CCDC152: variants seen among roughly 807,000 people sequenced by gnomAD.
The protein encoded by CCDC152 is coiled-coil domain-containing protein 152.
In CCDC152, 37 loss-of-function variants were observed where a neutral mutation model predicts 38.1. The observed-to-expected ratio is 0.97, with a 90% confidence interval of 0.75 to 1.28. The LOEUF is 1.28. Among genes scored for constraint, CCDC152 ranks in the 50% most tolerant of loss-of-function variants. The pLI is 0.00. For synonymous variants in CCDC152, 83 were observed against 87.1 expected (o/e 0.95, Z 0.26); for missense variants, 259 against 292.1 (o/e 0.89, Z 0.83).
intron 6 of CCDC152, among the ~76,000 whole-genome samples, chr5:42,795,991 C>CA (rs1183853066): frequency 6.8e-6 from 1 of 147,934 alleles, no homozygotes; most frequent in East Asian, 2.0e-4. Context: ...ATCGCAAGGA[C>CA]AAAAAACCAA....
chr5:42,772,203 A>G (rs746460202), intron 4 of CCDC152, among the ~76,000 whole-genome samples: 11 of 152,208 alleles, frequency 7.2e-5, no homozygotes, highest in Non-Finnish European at 1.3e-4. Flanking sequence ...TACAGAAAAA[A>G]CATTTGACAA....
In CCDC152 at chr5:42,790,214, T is replaced by TAAA. The variant is rs538507054; in HGVS notation, c.431-6614_431-6612dup. ...GGCCAGGCACGGTGGCTCACACCTG[T>TAAA]AAATCCCAGCACTTTGGGAGGCCAA... On this transcript the variant is annotated intron_variant, in intron 6 of 8. Transcript: ENST00000361970. Among the ~76,000 whole-genome samples, 25 of 152,256 alleles carry TAAA rather than the reference T, an allele frequency of 1.6e-4. No individual in the cohort carries two copies. The South Asian group carries it at 5.2e-3, about 32-fold the overall frequency.
In CCDC152 at chr5:42,801,613, A is replaced by C. The variant is rs1760204708; in HGVS notation, c.*1832A>C. 4.5e-6 allele frequency: 2 copies of C among 439,922 alleles called. No homozygotes were observed. The highest frequency in any genetic ancestry group is 7.9e-6 in the Non-Finnish European group (2 of 252,732). The allele number at this position is 439,922 out of a possible 1,614,324, so 27.3% of individuals were successfully genotyped here. A position where few individuals can be genotyped will look rare whatever the true frequency, so the allele number is the denominator to read the frequency against. On this transcript the variant is annotated 3_prime_UTR_variant, in exon 9 of 9. Coordinates refer to ENST00000361970, the MANE Select transcript of CCDC152 (RefSeq NM_001134848.2). ...TTGCAGGAAAGTCAAAGTAATATCA[A>C]ATCCTAAATTCAGTTGATCTGGGCC... is the stretch of plus-strand genomic sequence containing the variant.
At chr5:42,759,269 G>A in intron 2 of CCDC152, 61 bp downstream of exon 2, 2 of 980,504 alleles carry the variant, frequency 2.0e-6, no homozygotes, top group East Asian at 2.8e-5. Context: ...TTTTGCCAAG[G>A]GAAGAAGTTG....
chr5:42,772,919 A>AT lies in CCDC152; in HGVS notation c.262+3256dup, dbSNP rs537526344. Reference sequence around the variant, plus strand: ...AGGAAACGGTTTTTCTTTTTCAGACATTCACCCTTCATTCACTTAACCATA... The same window carrying AT: ...AGGAAACGGTTTTTCTTTTTCAGACATTTCACCCTTCATTCACTTAACCATA... On this transcript the variant is annotated intron_variant, in intron 4 of 8. Transcript: ENST00000361970. 7.9e-5 allele frequency among the ~76,000 whole-genome samples: 12 copies of AT among 152,264 alleles called. No individual in the cohort carries two copies. In the South Asian group the frequency reaches 1.9e-3, roughly 24 times the overall value.
At chr5:42,766,873 A>G (rs1423014122) in intron 3 of CCDC152, among the ~76,000 whole-genome samples, 2 of 152,184 alleles carry the variant, frequency 1.3e-5, no homozygotes, top group Admixed American at 6.5e-5. Context: ...ACAGTCAATA[A>G]TAACTTAATT....
chr5:42,794,408 G>A (rs891309370), intron 6 of CCDC152, among the ~76,000 whole-genome samples: 2 of 152,194 alleles, frequency 1.3e-5, no homozygotes, highest in African/African-American at 2.4e-5. Flanking sequence ...AATCTGTTGG[G>A]AGCTTAAGAA....
At chr5:42,758,020 G>A (rs1204301204) in intron 1 of CCDC152, among the ~76,000 whole-genome samples, 1 of 152,024 alleles carries the variant, frequency 6.6e-6, no homozygotes, top group African/African-American at 2.4e-5. Flanking sequence ...ATCATGGGAG[G>A]CTATTAACAA....
Position 42,800,799 on chromosome 5 carries a change from T to G in CCDC152, c.*1018T>G. 1.2e-6 allele frequency: 2 copies of G among 1,614,238 alleles called. No individual in the cohort carries two copies. The highest frequency in any genetic ancestry group is 1.7e-6 in the Non-Finnish European group (2 of 1,180,028). ...ACTGGCTTCTGTGGGTATAAGCTGC[T>G]GACTTATTTGTCAGGCAGCTGGAGG... On this transcript the variant is annotated 3_prime_UTR_variant, in exon 9 of 9. Coordinates refer to ENST00000361970, the MANE Select transcript of CCDC152 (RefSeq NM_001134848.2).
intron 6 of CCDC152, among the ~76,000 whole-genome samples, chr5:42,794,708 G>A (rs892495486): frequency 2.6e-5 from 4 of 152,128 alleles, no homozygotes; most frequent in Admixed American, 2.0e-4. Flanking sequence ...GGGAATTCTG[G>A]AAAACATAGT....
chr5:42,771,552 T>C (rs1759699290), intron 4 of CCDC152, among the ~76,000 whole-genome samples: 1 of 148,000 alleles, frequency 6.8e-6, no homozygotes, highest in Non-Finnish European at 1.5e-5. Context: ...AAGAAAGATG[T>C]CAATATATAA....
At chr5:42,762,273 G>T (rs964403426) in intron 2 of CCDC152, among the ~76,000 whole-genome samples, 170 bp from the exon 3 acceptor site, 2 of 152,180 alleles carry the variant, frequency 1.3e-5, no homozygotes, top group Non-Finnish European at 2.9e-5. Flanking sequence ...TCTATATGCA[G>T]TCTGTTGTTG....
Position 42,772,595 on chromosome 5 carries a change from G to T in CCDC152, c.262+2930G>T, listed in dbSNP as rs183978581. On this transcript the variant is annotated intron_variant, in intron 4 of 8. Transcript: ENST00000361970. ...GAACCAGGGAGTTGGAGGTTGCAGT[G>T]AGCCGAGATCGCACCGCTGCACTCC... is the stretch of plus-strand genomic sequence containing the variant. Among the ~76,000 whole-genome samples, 677 of 147,762 alleles carry T rather than the reference G, an allele frequency of 4.6e-3. 2 individuals are homozygous for T. Among genetic ancestry groups the T allele is most frequent in the South Asian group, 0.012 (56 of 4,608 alleles).
intron 6 of CCDC152, among the ~76,000 whole-genome samples, chr5:42,795,014 A>C (rs892442926): frequency 1.3e-5 from 2 of 152,162 alleles, no homozygotes; most frequent in African/African-American, 4.8e-5. Context: ...ATGAACATAA[A>C]ATGTAAAAGC....
Position 42,801,425 on chromosome 5 carries a change from A to G in CCDC152, c.*1644A>G. On this transcript the variant is annotated 3_prime_UTR_variant, in exon 9 of 9. Coordinates refer to ENST00000361970, the MANE Select transcript of CCDC152 (RefSeq NM_001134848.2). Reference sequence around the variant, plus strand: ...TGTAGAGCTAACATGTGAAATTCCAACTAGTTAATTAGAATCGAGCTGGCT... The same window carrying G: ...TGTAGAGCTAACATGTGAAATTCCAGCTAGTTAATTAGAATCGAGCTGGCT... The G allele has an allele frequency of 1.1e-6, 1 of 948,406 alleles. No individual in the cohort carries two copies. Among genetic ancestry groups the G allele is most frequent in the Non-Finnish European group, 1.6e-6 (1 of 635,746 alleles). The allele number at this position is 948,406 out of a possible 1,614,324, so 58.7% of individuals were successfully genotyped here.
Position 42,799,831 on chromosome 5 carries a change from T to C in CCDC152, c.*50T>C. The C allele has an allele frequency of 2.6e-6, 4 of 1,539,360 alleles. No homozygotes were observed. Among genetic ancestry groups the C allele is most frequent in the Non-Finnish European group, 2.6e-6 (3 of 1,141,650 alleles). ...GTATTTATTTAAAAGCAATCGAAAG[T>C]TTCACTTCTGTTTTCAATATATGCA... is the stretch of plus-strand genomic sequence containing the variant. On this transcript the variant is annotated 3_prime_UTR_variant, in exon 9 of 9. Transcript: ENST00000361970.
At chr5:42,796,488 G>C (rs1327101427) in intron 6 of CCDC152, among the ~76,000 whole-genome samples, 1 of 152,190 alleles carries the variant, frequency 6.6e-6, no homozygotes, top group Non-Finnish European at 1.5e-5. Flanking sequence ...TGTAGCTCTA[G>C]AGTCATCCAG....
In CCDC152 at chr5:42,799,754, T is replaced by G; in HGVS notation, c.738T>G (p.Asp246Glu). Reference protein sequence around the residue: ...DLEQRLSVGKDSHLKRRRF With the variant: ...DLEQRLSVGKESHLKRRRF ...AGCAACGCCTTTCTGTTGGCAAAGATTCTCACCTTAAGCGTAGACGGTTTT... is the reference window on the plus strand; with the variant it reads ...AGCAACGCCTTTCTGTTGGCAAAGAGTCTCACCTTAAGCGTAGACGGTTTT... Residue 246 changes from aspartate (D) to glutamate (E), a missense_variant, in exon 9 of 9, where the codon GAT becomes GAG. Coordinates refer to ENST00000361970, the MANE Select transcript of CCDC152 (RefSeq NM_001134848.2). The G allele has an allele frequency of 6.4e-7, 1 of 1,551,324 alleles. No individual in the cohort carries two copies. The highest frequency in any genetic ancestry group is 1.4e-5 in the African/African-American group (1 of 73,168).
chr5:42,776,161 G>A (rs1009485775), intron 4 of CCDC152, among the ~76,000 whole-genome samples: 2 of 151,906 alleles, frequency 1.3e-5, no homozygotes, highest in Admixed American at 1.3e-4. Context: ...TATCAGAGCG[G>A]ATCAAAAAAC....
Sources: gnomAD v4.1 joint callset for allele counts (sites outside exome capture counted in the v4.1 genomes callset) on GRCh38, gnomAD v4.1.1 for gene constraint, MANE v1.5 for transcripts, NCBI Gene and HGNC (gene_info 2026-07-23, HGNC 2026-07-21) for gene names.